SNX9: variants seen among roughly 807,000 people sequenced by gnomAD.
SNX9 encodes the protein sorting nexin 9.
Under a neutral mutation model 89.4 loss-of-function variants are expected in SNX9, and 44 were observed. The ratio of observed to expected loss-of-function variants is 0.49; its 90% confidence interval spans 0.39 to 0.63. SNX9 has a LOEUF of 0.63. Ranked by LOEUF, SNX9 falls within the 30% of genes least tolerant of loss-of-function variation. The pLI is 0.00. For missense variants in SNX9, 578 were observed against 736.1 expected (o/e 0.79, Z 2.49); for synonymous variants, 236 against 247.8 (o/e 0.95, Z 0.45).
In SNX9 at chr6:157,823,313, C is replaced by A; in HGVS notation, c.-122C>A. On this transcript the variant is annotated 5_prime_UTR_variant, in exon 1 of 18. Coordinates refer to ENST00000392185, the MANE Select transcript of SNX9 (RefSeq NM_016224.5). The surrounding 1 kb of genome is among the most constrained non-coding windows in gnomAD (Gnocchi z 4.6). ...CTCGGGGCCGAGGCGGAGGAGCGGC[C>A]GCCGCGCCGGGGCCCAGCCGGAGCC... is the stretch of plus-strand genomic sequence containing the variant. The A allele has an allele frequency of 1.1e-6, 1 of 878,966 alleles. No homozygotes were observed. The highest frequency in any genetic ancestry group is 1.4e-6 in the Non-Finnish European group (1 of 691,226). 54.4% of individuals were successfully genotyped at this position (878,966 alleles called of 1,614,324 possible).
intron 1 of SNX9, among the ~76,000 whole-genome samples, chr6:157,866,757 C>T (rs1583206980): frequency 1.3e-5 from 2 of 152,032 alleles, no homozygotes; most frequent in East Asian, 3.8e-4. Context: ...AGATAAGGAG[C>T]AGTGAACATT....
intron 5 of SNX9, 88 bp downstream of exon 5, chr6:157,897,086 C>T: frequency 7.8e-7 from 1 of 1,281,850 alleles, no homozygotes; most frequent in South Asian, 1.6e-5. Context: ...GCTGTTCCCA[C>T]ACTCAGCACA....
chr6:157,841,924 C>A (rs2115114329), intron 1 of SNX9, among the ~76,000 whole-genome samples: 1 of 152,262 alleles, frequency 6.6e-6, no homozygotes. Flanking sequence ...TGACACTCCC[C>A]TGTGTACTCA....
At chr6:157,877,664 G>A (rs1189969910) in intron 4 of SNX9, among the ~76,000 whole-genome samples, 1 of 152,168 alleles carries the variant, frequency 6.6e-6, no homozygotes, top group African/African-American at 2.4e-5. Context: ...CTGATTGCCT[G>A]TGCTCTCTCC....
intron 4 of SNX9, among the ~76,000 whole-genome samples, chr6:157,883,416 C>G (rs950812586): frequency 1.3e-5 from 2 of 152,152 alleles, no homozygotes; most frequent in African/African-American, 4.8e-5. Flanking sequence ...CCTCTATTGC[C>G]TTCTGGAATA....
chr6:157,878,748 C>T (rs1353092178), intron 4 of SNX9, among the ~76,000 whole-genome samples: 3 of 152,012 alleles, frequency 2.0e-5, no homozygotes, highest in Non-Finnish European at 2.9e-5. Context: ...GTCTAGTGGC[C>T]ATTAAGGATA....
chr6:157,893,554 A>G (rs1471292907), intron 4 of SNX9, among the ~76,000 whole-genome samples: 1 of 152,040 alleles, frequency 6.6e-6, no homozygotes, highest in Non-Finnish European at 1.5e-5. Flanking sequence ...TATATTAGAC[A>G]GGGTGGGTAA....
chr6:157,929,291 C>T (rs147551408), intron 12 of SNX9, among the ~76,000 whole-genome samples: 151 of 152,308 alleles, frequency 9.9e-4, no homozygotes, highest in African/African-American at 3.5e-3. Context: ...AGCTCTGTCA[C>T]CACACATGTG....
At chr6:157,938,003 G>T (rs967260765) in intron 15 of SNX9, among the ~76,000 whole-genome samples, 5 of 152,228 alleles carry the variant, frequency 3.3e-5, no homozygotes, top group African/African-American at 9.6e-5. Context: ...TATGCCAGCA[G>T]CATCAGAGTT....
intron 1 of SNX9, among the ~76,000 whole-genome samples, chr6:157,836,522 G>A (rs916936461): frequency 6.6e-6 from 1 of 152,054 alleles, no homozygotes; most frequent in Admixed American, 6.5e-5. Flanking sequence ...CCAACCCGGG[G>A]AGCTTGTTAA....
intron 1 of SNX9, among the ~76,000 whole-genome samples, chr6:157,851,251 G>T (rs1781904467): frequency 6.9e-6 from 1 of 144,194 alleles, no homozygotes. Flanking sequence ...GAGCAAGATG[G>T]TCTCAAAAAA....
intron 1 of SNX9, among the ~76,000 whole-genome samples, chr6:157,858,504 G>A (rs1208034967): frequency 6.6e-6 from 1 of 152,122 alleles, no homozygotes; most frequent in African/African-American, 2.4e-5. Context: ...TTACAAGTGT[G>A]AGCCACCATG....
intron 12 of SNX9, among the ~76,000 whole-genome samples, chr6:157,930,322 A>G (rs1783783600): frequency 2.0e-5 from 3 of 152,232 alleles, no homozygotes; most frequent in Admixed American, 6.5e-5. Flanking sequence ...TATCCTAAAT[A>G]TATAGAATTA....
At chr6:157,839,191 T>A (rs527841051) in intron 1 of SNX9, among the ~76,000 whole-genome samples, 1 of 152,226 alleles carries the variant, frequency 6.6e-6, no homozygotes, top group Non-Finnish European at 1.5e-5. Context: ...GTATAATTAC[T>A]GTTATATGTG....
At chr6:157,873,897 C>T (rs1011951101) in intron 3 of SNX9, among the ~76,000 whole-genome samples, 1 of 152,126 alleles carries the variant, frequency 6.6e-6, no homozygotes, top group Admixed American at 6.5e-5. Flanking sequence ...TGGGACACCC[C>T]CAAGCTGAGC....
intron 2 of SNX9, among the ~76,000 whole-genome samples, chr6:157,868,304 T>TA (rs1384517662): frequency 6.6e-6 from 1 of 152,244 alleles, no homozygotes; most frequent in Non-Finnish European, 1.5e-5. Context: ...TACATATACA[T>TA]ACACACATGC....
intron 1 of SNX9, among the ~76,000 whole-genome samples, chr6:157,854,965 A>C (rs920722771): frequency 4.6e-5 from 7 of 151,432 alleles, no homozygotes; most frequent in Non-Finnish European, 8.8e-5. Flanking sequence ...AAAAAAAAAA[A>C]AAAACCCCAC....
chr6:157,936,924 C>A (rs1450990097), intron 14 of SNX9, among the ~76,000 whole-genome samples: 1 of 152,138 alleles, frequency 6.6e-6, no homozygotes, highest in African/African-American at 2.4e-5. Context: ...TGTATGGATG[C>A]ACACATGTGT....
At chr6:157,826,971 C>A (rs866820812) in intron 1 of SNX9, among the ~76,000 whole-genome samples, 34 of 7,948 alleles carry the variant, frequency 4.3e-3, no homozygotes, top group African/African-American at 0.017. Context: ...ATAATATATA[C>A]ATATATATTA....
Sources: gnomAD v4.1 joint callset for allele counts (sites outside exome capture counted in the v4.1 genomes callset) on GRCh38, gnomAD v4.1.1 for gene constraint, Gnocchi (gnomAD v3.1) non-coding constraint, MANE v1.5 for transcripts, NCBI Gene and HGNC (gene_info 2026-07-23, HGNC 2026-07-21) for gene names.